PARD3B: variants seen among roughly 807,000 people sequenced by gnomAD.
PARD3B encodes partitioning defective 3 homolog B.
PARD3B carries 103 observed loss-of-function variants against 130.2 expected under a neutral mutation model. The observed-to-expected ratio is 0.79, with a 90% confidence interval of 0.67 to 0.93. The LOEUF (loss-of-function observed/expected upper bound fraction) is 0.93. PARD3B is among the 40% of genes least tolerant of loss of function. The pLI is 0.00. For synonymous variants in PARD3B, 583 were observed against 553.2 expected (o/e 1.05, Z -0.76); for missense variants, 1,609 against 1,499.2 (o/e 1.07, Z -1.21).
intron 20 of PARD3B, among the ~76,000 whole-genome samples, chr2:205,485,604 C>T (rs961621163): frequency 6.6e-6 from 1 of 152,150 alleles, no homozygotes; most frequent in African/African-American, 2.4e-5. Context: ...TGAAGCAGAA[C>T]TCTGAGGATG....
chr2:205,560,729 GA>G (rs1217921662), intron 22 of PARD3B, among the ~76,000 whole-genome samples: 1 of 152,008 alleles, frequency 6.6e-6, no homozygotes, highest in Non-Finnish European at 1.5e-5. Flanking sequence ...TTACTTGGGA[GA>G]AAAAAAGGTC....
At chr2:204,738,487 G>C (rs986270261) in intron 2 of PARD3B, among the ~76,000 whole-genome samples, 1 of 152,110 alleles carries the variant, frequency 6.6e-6, no homozygotes, top group African/African-American at 2.4e-5. Flanking sequence ...ATATTTTTGC[G>C]TAATAAATTA....
chr2:205,578,334 T>C (rs1373406103), intron 22 of PARD3B, among the ~76,000 whole-genome samples: 3 of 152,194 alleles, frequency 2.0e-5, no homozygotes, highest in Non-Finnish European at 4.4e-5. Flanking sequence ...TTTATATCCC[T>C]TGTCAATACC....
intron 11 of PARD3B, among the ~76,000 whole-genome samples, chr2:205,162,753 T>A (rs1243311587): frequency 6.6e-6 from 1 of 152,186 alleles, no homozygotes; most frequent in African/African-American, 2.4e-5. Context: ...AAAATACCTT[T>A]CCCTAAATCC....
intron 22 of PARD3B, among the ~76,000 whole-genome samples, chr2:205,611,377 G>A (rs183925673): frequency 3.6e-4 from 55 of 152,306 alleles, no homozygotes; most frequent in African/African-American, 1.3e-3. Context: ...AGCACCCAGA[G>A]CTGGCTATCT....
chr2:204,742,589 T>C (rs1287067935), intron 2 of PARD3B, among the ~76,000 whole-genome samples: 4 of 152,172 alleles, frequency 2.6e-5, no homozygotes, highest in Non-Finnish European at 5.9e-5. Context: ...GTTGTTTTAT[T>C]CCAGGGATAA....
intron 1 of PARD3B, among the ~76,000 whole-genome samples, chr2:204,661,219 A>G (rs368682581): frequency 5.9e-5 from 9 of 152,178 alleles, no homozygotes; most frequent in African/African-American, 1.9e-4. Flanking sequence ...TCTCAAACCC[A>G]AAAGAATGTC....
At chr2:205,282,730 G>A (rs1387704792) in intron 16 of PARD3B, among the ~76,000 whole-genome samples, 1 of 152,024 alleles carries the variant, frequency 6.6e-6, no homozygotes, top group Non-Finnish European at 1.5e-5. Flanking sequence ...GTCATTGTCT[G>A]GTCTTCATAT....
intron 4 of PARD3B, among the ~76,000 whole-genome samples, chr2:205,052,094 G>T (rs1699229771): frequency 6.6e-6 from 1 of 152,030 alleles, no homozygotes; most frequent in African/African-American, 2.4e-5. Context: ...TTAAGGGCAT[G>T]CCATAAAACA....
chr2:204,629,461 G>A (rs867196287), intron 1 of PARD3B, among the ~76,000 whole-genome samples: 5 of 152,074 alleles, frequency 3.3e-5, no homozygotes, highest in South Asian at 2.1e-4. Flanking sequence ...TTCAGGCATC[G>A]GTTGCACAAT....
Position 205,127,202 on chromosome 2 carries a change from C to T in PARD3B, c.1434+1465C>T, listed in dbSNP as rs539067172. On this transcript the variant is annotated intron_variant, in intron 10 of 22. Coordinates refer to ENST00000406610, the MANE Select transcript of PARD3B (RefSeq NM_001302769.2). The stretch of plus-strand genomic sequence containing the variant: ...GTCCCAGCTGCTCAGGAGGCTGAGA[C>T]AGGAGAATTGCTTGAACCTGGGAAG... Among the ~76,000 whole-genome samples, 4 of 146,466 alleles carry T rather than the reference C, an allele frequency of 2.7e-5. No homozygotes were observed. In the East Asian group the frequency reaches 8.1e-4, roughly 30 times the overall value.
intron 21 of PARD3B, among the ~76,000 whole-genome samples, chr2:205,538,878 A>G (rs1436508501): frequency 1.3e-5 from 2 of 152,218 alleles, no homozygotes; most frequent in Admixed American, 6.5e-5. Context: ...GTAGTAGACT[A>G]TGTGTGAGAT....
rs2034465743 is a variant in PARD3B at position 205,160,858 on chromosome 2, A to G, written c.1620+1951A>G. On this transcript the variant is annotated intron_variant, in intron 11 of 22. Transcript: ENST00000406610. The surrounding 1 kb of genome is among the most constrained non-coding windows in gnomAD (Gnocchi z 4.0). ...TCAGATAGCCAGGAATTACTTTAAG[A>G]TTTGAATCCAGGCAGTCTGACTCCA... 6.6e-6 allele frequency among the ~76,000 whole-genome samples: 1 copy of G among 152,128 alleles called. No homozygotes were observed. Among genetic ancestry groups the G allele is most frequent in the Non-Finnish European group, 1.5e-5 (1 of 68,016 alleles).
Position 205,592,104 on chromosome 2 carries a change from T to C in PARD3B, c.3261-23352T>C, listed in dbSNP as rs148980967. On this transcript the variant is annotated intron_variant, in intron 22 of 22. Coordinates refer to ENST00000406610, the MANE Select transcript of PARD3B (RefSeq NM_001302769.2). This position sits in a 1 kb window ranked among gnomAD's most constrained non-coding sequence, Gnocchi z 4.5. Reference sequence around the variant, plus strand: ...TAATTTTATCTTCTCCCAGCAGGCCTAGGAGCTTGCTTAGTATCATAATTC... The same window carrying C: ...TAATTTTATCTTCTCCCAGCAGGCCCAGGAGCTTGCTTAGTATCATAATTC... 0.012 allele frequency among the ~76,000 whole-genome samples: 1,860 copies of C among 152,302 alleles called. 11 individuals carry two copies. The highest frequency in any genetic ancestry group is 0.018 in the Non-Finnish European group (1,221 of 68,026).
At chr2:205,163,801 T>G (rs1441686013) in intron 11 of PARD3B, among the ~76,000 whole-genome samples, 1 of 152,140 alleles carries the variant, frequency 6.6e-6, no homozygotes, top group Non-Finnish European at 1.5e-5. Context: ...AATTAATGAA[T>G]TCAAAGGAAG....
Position 205,360,428 on chromosome 2 carries a change from G to A in PARD3B, c.2631-40585G>A, listed in dbSNP as rs181802251. On this transcript the variant is annotated intron_variant, in intron 18 of 22. Transcript: ENST00000406610. Reference sequence around the variant, plus strand: ...TTAGGATCTTAAGAAATCTTTTTCCGCCTCTATGTCACAAAAAATACTTTC... The same window carrying A: ...TTAGGATCTTAAGAAATCTTTTTCCACCTCTATGTCACAAAAAATACTTTC... Among the ~76,000 whole-genome samples the A allele has an allele frequency of 2.4e-3, 282 of 115,934 alleles. 1 individual carries two copies. Among genetic ancestry groups the A allele is most frequent in the African/African-American group, 6.1e-3 (241 of 39,284 alleles). 76.1% of individuals were successfully genotyped at this position (115,934 alleles called of 152,430 possible).
intron 21 of PARD3B, among the ~76,000 whole-genome samples, chr2:205,521,418 T>C (rs1255431833): frequency 6.6e-6 from 1 of 152,140 alleles, no homozygotes; most frequent in Non-Finnish European, 1.5e-5. Flanking sequence ...GGGTTTTTTT[T>C]CTAACTTCGT....
intron 2 of PARD3B, among the ~76,000 whole-genome samples, chr2:204,863,371 C>A (rs1420652703): frequency 1.3e-5 from 2 of 152,206 alleles, no homozygotes; most frequent in Non-Finnish European, 2.9e-5. Context: ...GTCGTACTCT[C>A]AGCCCCTGTG....
At chr2:205,013,385 A>G (rs941853641) in intron 3 of PARD3B, among the ~76,000 whole-genome samples, 3 of 152,128 alleles carry the variant, frequency 2.0e-5, no homozygotes, top group Admixed American at 1.3e-4. Flanking sequence ...AGACTTGTAT[A>G]TAAATGTCAT....
Sources: allele counts gnomAD v4.1 joint callset (sites outside exome capture counted in the v4.1 genomes callset), GRCh38; gene constraint gnomAD v4.1.1; non-coding constraint Gnocchi (gnomAD v3.1); transcripts MANE v1.5; gene names NCBI Gene and HGNC (gene_info 2026-07-23, HGNC 2026-07-21).